Variants in MAP2 observed in about 807,000 individuals in gnomAD.
MAP2 encodes the protein microtubule associated protein 2, also known as microtubule-associated protein 2.
MAP2 carries 14 observed loss-of-function variants against 137.6 expected under a neutral mutation model. That is an observed-to-expected ratio of 0.10 (90% CI 0.07 to 0.16). The LOEUF (loss-of-function observed/expected upper bound fraction) is 0.16. MAP2 is among the 10% of genes least tolerant of loss of function. The pLI is 1.00. For missense variants in MAP2, 2,088 were observed against 2,191.5 expected (o/e 0.95, Z 0.94); for synonymous variants, 786 against 782.3 (o/e 1.00, Z -0.08).
At chr2:209,644,792 C>T (rs2094308494) in intron 4 of MAP2, among the ~76,000 whole-genome samples, 1 of 151,864 alleles carries the variant, frequency 6.6e-6, no homozygotes, top group African/African-American at 2.4e-5. Context: ...TCAAATAACC[C>T]CTTTTAGACT....
intron 7 of MAP2, among the ~76,000 whole-genome samples, chr2:209,685,469 T>C (rs1426051733): frequency 6.6e-6 from 1 of 152,156 alleles, no homozygotes; most frequent in South Asian, 2.1e-4. Context: ...CTGGTCCCCA[T>C]AAAGCATAGC....
At chr2:209,617,926 A>G (rs1219438029) in intron 3 of MAP2, among the ~76,000 whole-genome samples, 1 of 152,158 alleles carries the variant, frequency 6.6e-6, no homozygotes, top group African/African-American at 2.4e-5. Flanking sequence ...TAAATTCAAA[A>G]TGCTATCAAA....
chr2:209,440,083 C>T (rs182698665), intron 1 of MAP2, among the ~76,000 whole-genome samples: 13 of 151,580 alleles, frequency 8.6e-5, no homozygotes, highest in African/African-American at 2.9e-4. Context: ...TCACTAATTT[C>T]AGTTTTGAAG....
chr2:209,482,236 T>C (rs2057802419), intron 1 of MAP2, among the ~76,000 whole-genome samples: 1 of 152,220 alleles, frequency 6.6e-6, no homozygotes. Flanking sequence ...CTATGCTTGC[T>C]TTCTATCTCA....
At chr2:209,536,861 T>C (rs1446926299) in intron 2 of MAP2, among the ~76,000 whole-genome samples, 1 of 152,220 alleles carries the variant, frequency 6.6e-6, no homozygotes, top group Non-Finnish European at 1.5e-5. Context: ...AGTTTTCATC[T>C]TCACCCTTTG....
chr2:209,511,137 C>A (rs1358108880), intron 2 of MAP2, among the ~76,000 whole-genome samples: 2 of 151,814 alleles, frequency 1.3e-5, no homozygotes, highest in African/African-American at 4.8e-5. Flanking sequence ...TTATAAATTT[C>A]TCTCCTCAAA....
intron 7 of MAP2, among the ~76,000 whole-genome samples, chr2:209,689,512 G>A (rs537524609): frequency 6.6e-6 from 1 of 152,018 alleles, no homozygotes; most frequent in African/African-American, 2.4e-5. Flanking sequence ...TGACCAAATG[G>A]AATTTACTTA....
chr2:209,709,142 T>C (rs1447887278), intron 12 of MAP2, among the ~76,000 whole-genome samples: 2 of 152,154 alleles, frequency 1.3e-5, no homozygotes, highest in Non-Finnish European at 2.9e-5. Flanking sequence ...GTATAATTAA[T>C]GTGGTTTTGG....
chr2:209,684,729 A>G (rs2056329650), intron 7 of MAP2: 1 of 152,168 alleles, frequency 6.6e-6, no homozygotes, highest in Non-Finnish European at 1.5e-5. Flanking sequence ...GTATAAGGTT[A>G]CCCTGTTTTT....
intron 4 of MAP2, among the ~76,000 whole-genome samples, chr2:209,626,344 G>A (rs1445363083): frequency 6.6e-6 from 1 of 152,146 alleles, no homozygotes; most frequent in East Asian, 1.9e-4. Flanking sequence ...GAACCTGGGA[G>A]GTGGAGGTTG....
chr2:209,647,730 T>C (rs2094505288), intron 4 of MAP2, among the ~76,000 whole-genome samples: 1 of 152,194 alleles, frequency 6.6e-6, no homozygotes, highest in Admixed American at 6.5e-5. Flanking sequence ...TGGTCAGAGG[T>C]TGGTATGAAA....
At chr2:209,708,026 A>T (rs1052925046) in intron 12 of MAP2, among the ~76,000 whole-genome samples, 1 of 152,196 alleles carries the variant, frequency 6.6e-6, no homozygotes. Context: ...CATGAAAGTC[A>T]CCAGGGCTAG....
intron 2 of MAP2, among the ~76,000 whole-genome samples, chr2:209,574,394 G>A (rs985599590): frequency 6.6e-6 from 1 of 151,182 alleles, no homozygotes; most frequent in East Asian, 1.9e-4. Flanking sequence ...GTGGCAAATG[G>A]CAAGATCCTG....
chr2:209,619,164 C>T (rs534797928), intron 3 of MAP2, among the ~76,000 whole-genome samples: 4 of 152,054 alleles, frequency 2.6e-5, no homozygotes, highest in Non-Finnish European at 5.9e-5. Flanking sequence ...TCAAAGATAA[C>T]GAAGTTTCTG....
intron 13 of MAP2, among the ~76,000 whole-genome samples, chr2:209,719,694 G>A (rs1187548775): frequency 6.6e-6 from 1 of 152,058 alleles, no homozygotes; most frequent in Non-Finnish European, 1.5e-5. Context: ...TCCAACTAAA[G>A]TCACACAAGG....
intron 5 of MAP2, among the ~76,000 whole-genome samples, chr2:209,664,741 C>A (rs1300091596): frequency 6.6e-6 from 1 of 151,932 alleles, no homozygotes; most frequent in African/African-American, 2.4e-5. Flanking sequence ...GCAGGCAGAT[C>A]ACGAGGTCAG....
intron 1 of MAP2, among the ~76,000 whole-genome samples, chr2:209,428,811 C>A (rs1480274221): frequency 1.3e-5 from 2 of 152,086 alleles, no homozygotes; most frequent in East Asian, 3.9e-4. Context: ...AAAGTTACTA[C>A]CCTATTTCTC....
At chr2:209,449,834 G>T (rs1308192788) in intron 1 of MAP2, among the ~76,000 whole-genome samples, 1 of 151,898 alleles carries the variant, frequency 6.6e-6, no homozygotes, top group Non-Finnish European at 1.5e-5. Context: ...ACTTTTTATT[G>T]CTGTGTGTTG....
At chr2:209,583,115 C>T (rs959439459) in intron 3 of MAP2, among the ~76,000 whole-genome samples, 2 of 145,430 alleles carry the variant, frequency 1.4e-5, no homozygotes, top group African/African-American at 5.3e-5. Context: ...ATCAAAATAT[C>T]TCTATCTATC....
Sources: allele counts gnomAD v4.1 joint callset (sites outside exome capture counted in the v4.1 genomes callset), GRCh38; gene constraint gnomAD v4.1.1; transcripts MANE v1.5; gene names NCBI Gene and HGNC (gene_info 2026-07-23, HGNC 2026-07-21).